The following GLRB variants were observed in gnomAD, a reference collection of about 807,000 sequenced individuals.
GLRB encodes glycine receptor beta, also known as glycine receptor subunit beta.
A neutral mutation model predicts 54.2 loss-of-function variants in GLRB; 33 were observed. The observed-to-expected ratio is 0.61, with a 90% CI of 0.46 to 0.81. GLRB has a LOEUF of 0.81. Ranked by LOEUF, GLRB falls within the 40% of genes least tolerant of loss-of-function variation. GLRB has a pLI of 0.00. For missense variants in GLRB, 572 were observed against 584.6 expected, an observed-to-expected ratio of 0.98 and a Z score of 0.22; for synonymous variants, 209 against 208.2, an observed-to-expected ratio of 1.00 and a Z score of -0.03.
intron 6 of GLRB, among the ~76,000 whole-genome samples, chr4:157,137,516 GC>G (rs906331440): frequency 4.6e-5 from 7 of 151,358 alleles, no homozygotes; most frequent in Admixed American, 2.6e-4. Context: ...GGAATGTTTA[GC>G]CTGAATACAT....
chr4:157,081,056 C>T lies in GLRB; in HGVS notation c.122+2910C>T, dbSNP rs527258898. On this transcript the variant is annotated intron_variant, in intron 2 of 9. Coordinates refer to ENST00000264428, the MANE Select transcript of GLRB (RefSeq NM_000824.5). Reference sequence around the variant, plus strand: ...CTCTTTGCTGTTTCTTTTTTCTAACCTGTTGTCTTTTGATATGTAAGTGAA... The same window carrying T: ...CTCTTTGCTGTTTCTTTTTTCTAACTTGTTGTCTTTTGATATGTAAGTGAA... 1.1e-4 allele frequency among the ~76,000 whole-genome samples: 17 copies of T among 152,164 alleles called. No individual in the cohort carries two copies. The South Asian group carries it at 3.5e-3, about 32-fold the overall frequency.
chr4:157,084,773 G>T (rs577315783), intron 2 of GLRB: 2 of 446,812 alleles, frequency 4.5e-6, no homozygotes, highest in Middle Eastern at 3.3e-4. Context: ...ACTATATGCT[G>T]CTTGGGTATT....
At chr4:157,082,962 TTTTATA>T (rs1242950536) in intron 2 of GLRB, among the ~76,000 whole-genome samples, 7 of 115,568 alleles carry the variant, frequency 6.1e-5, no homozygotes, top group African/African-American at 1.3e-4. Context: ...ATGAATAGTG[TTTTATA>T]TATATATATA....
At chr4:157,109,774 G>A (rs750223962) in intron 2 of GLRB, among the ~76,000 whole-genome samples, 12 of 151,960 alleles carry the variant, frequency 7.9e-5, no homozygotes, top group Non-Finnish European at 1.5e-4. Flanking sequence ...CAGAGCTCAG[G>A]AAAACACTTC....
intron 2 of GLRB, among the ~76,000 whole-genome samples, chr4:157,086,382 TAG>T (rs1734413816): frequency 6.6e-6 from 1 of 152,194 alleles, no homozygotes; most frequent in Non-Finnish European, 1.5e-5. Flanking sequence ...TGGATATTGA[TAG>T]AAATACAATG....
intron 2 of GLRB, chr4:157,084,615 G>A (rs1178895953): frequency 2.2e-6 from 1 of 456,118 alleles, no homozygotes; most frequent in Admixed American, 2.3e-5. Flanking sequence ...AATTGTGTGT[G>A]CATATGTAAA....
intron 2 of GLRB, among the ~76,000 whole-genome samples, chr4:157,104,476 G>A (rs995090519): frequency 6.6e-6 from 1 of 151,116 alleles, no homozygotes; most frequent in African/African-American, 2.4e-5. Flanking sequence ...TTGTTTAGGA[G>A]GTTTGCATCT....
intron 9 of GLRB, among the ~76,000 whole-genome samples, chr4:157,153,299 T>C (rs568894276): frequency 2.4e-4 from 37 of 152,186 alleles, no homozygotes; most frequent in Non-Finnish European, 4.9e-4. Flanking sequence ...ATGGTCACCA[T>C]TGAATTTGGA....
At chr4:157,154,002 A>C (rs919290328) in intron 9 of GLRB, among the ~76,000 whole-genome samples, 1 of 152,194 alleles carries the variant, frequency 6.6e-6, no homozygotes. Flanking sequence ...TGGCCTTTAA[A>C]AAATGGTTTA....
At chr4:157,084,164 C>T (rs951258576) in intron 2 of GLRB, among the ~76,000 whole-genome samples, 7 of 151,990 alleles carry the variant, frequency 4.6e-5, no homozygotes, top group Non-Finnish European at 5.9e-5. Flanking sequence ...TGCTCATAGC[C>T]GACATAATAA....
chr4:157,095,367 G>A (rs1734770877), intron 2 of GLRB, among the ~76,000 whole-genome samples: 1 of 151,560 alleles, frequency 6.6e-6, no homozygotes, highest in South Asian at 2.1e-4. Context: ...AGGAAGAGTA[G>A]ATAGGAAATG....
At chr4:157,122,006 A>T (rs904912825) in intron 3 of GLRB, among the ~76,000 whole-genome samples, 2 of 151,510 alleles carry the variant, frequency 1.3e-5, no homozygotes, top group African/African-American at 4.8e-5. Context: ...AGTTCCTTAA[A>T]GTAAATGTAT....
chr4:157,157,760 T>C (rs1737292048), intron 9 of GLRB, among the ~76,000 whole-genome samples: 1 of 152,230 alleles, frequency 6.6e-6, no homozygotes, highest in Non-Finnish European at 1.5e-5. Flanking sequence ...ATGGGTTGGT[T>C]CCAAGTCTTT....
intron 9 of GLRB, among the ~76,000 whole-genome samples, chr4:157,161,691 A>C (rs1188643271): frequency 6.6e-6 from 1 of 152,202 alleles, no homozygotes; most frequent in East Asian, 1.9e-4. Flanking sequence ...AGTTTCTGCC[A>C]AGAGATCCGC....
At chr4:157,136,936 T>C (rs201716331) in intron 6 of GLRB, 50 bp downstream of exon 6, 1 of 1,100,252 alleles carries the variant, frequency 9.1e-7, no homozygotes, top group African/African-American at 1.5e-5. Context: ...GTTTAAAATG[T>C]CTGGGTAATA....
chr4:157,124,010 C>T (rs1355457077), intron 4 of GLRB, among the ~76,000 whole-genome samples: 1 of 151,614 alleles, frequency 6.6e-6, no homozygotes, highest in Non-Finnish European at 1.5e-5. Context: ...TGAATTCCTT[C>T]CAACTATCAG....
Position 157,136,848 on chromosome 4 carries a change from C to A in GLRB, c.572C>A (p.Pro191His). The part of the protein sequence containing the change: ...LSCPLDLTLF[P>H]MDTQRCKMQL... ...TGCCCTTTGGACTTGACATTGTTTC[C>A]CATGGATACACAACGTTGCAAGATG... Residue 191 changes from proline (P) to histidine (H), a missense_variant, in exon 6 of 10, where the codon CCC becomes CAC. Transcript: ENST00000264428. The A allele has an allele frequency of 6.2e-7, 1 of 1,610,406 alleles. No homozygotes were observed.
chr4:157,100,577 A>G (rs906582693), intron 2 of GLRB, among the ~76,000 whole-genome samples: 2 of 152,124 alleles, frequency 1.3e-5, no homozygotes, highest in Admixed American at 1.3e-4. Flanking sequence ...TTTGATGTAT[A>G]TTTTAGAGTT....
At chr4:157,141,910 T>C (rs1211038380) in intron 7 of GLRB, among the ~76,000 whole-genome samples, 1 of 152,072 alleles carries the variant, frequency 6.6e-6, no homozygotes, top group Non-Finnish European at 1.5e-5. Flanking sequence ...TGGGATGGAA[T>C]GGAAAATTTT....
Sources: gnomAD v4.1 joint callset for allele counts (sites outside exome capture counted in the v4.1 genomes callset) on GRCh38, gnomAD v4.1.1 for gene constraint, MANE v1.5 for transcripts, NCBI Gene and HGNC (gene_info 2026-07-23, HGNC 2026-07-21) for gene names.